SLIT1: variants seen among roughly 807,000 people sequenced by gnomAD.
SLIT1 encodes the protein slit guidance ligand 1, also known as slit homolog 1 protein.
In SLIT1, 66 loss-of-function variants were observed where a neutral mutation model predicts 186.1. The observed-to-expected ratio is 0.35, with a 90% CI of 0.29 to 0.44. The LOEUF is 0.44. Among genes scored for constraint, SLIT1 ranks in the 20% least tolerant of loss-of-function variants. The pLI is 1.00. For missense variants in SLIT1, 1,638 were observed against 2,037.4 expected (o/e 0.80, Z 3.77); for synonymous variants, 761 against 833.8 (o/e 0.91, Z 1.50).
chr10:97,047,794 G>T lies in SLIT1; in HGVS notation c.1530C>A (p.Asp510Glu). ...DYQLNSECNS[D>E]VVCPHKCRCE... ...AGCGGCACTTGTGGGGACAGACCAC[G>T]TCGCTGTTGCACTCGCTGTTCAGCT... is the stretch of plus-strand genomic sequence containing the variant. The change falls in exon 16 of 37, where the codon GAC (aspartate) becomes GAA (glutamate). Residue 510 changes from aspartate (D) to glutamate (E), a missense_variant. By Grantham distance (45) the Asp-to-Glu change is conservative (BLOSUM62 2). Around this residue, in one of 3 missense-constraint regions of SLIT1, gnomAD observed 1,245 missense variants for 1,535.3 expected, o/e 0.81. Coordinates refer to ENST00000266058, the MANE Select transcript of SLIT1 (RefSeq NM_003061.3). 3 of 1,614,106 alleles carry T rather than the reference G, an allele frequency of 1.9e-6. No individual in the cohort carries two copies. The highest frequency in any genetic ancestry group is 2.5e-6 in the Non-Finnish European group (3 of 1,180,024).
At chr10:97,075,404 C>CT (rs1424627414) in intron 4 of SLIT1, among the ~76,000 whole-genome samples, 1 of 152,180 alleles carries the variant, frequency 6.6e-6, no homozygotes, top group Admixed American at 6.5e-5. Context: ...CTTTTGGGCT[C>CT]TGTAGGGAGG....
Position 97,150,245 on chromosome 10 carries a change from C to T in SLIT1, c.413+7573G>A, listed in dbSNP as rs371080997. 3.3e-5 allele frequency among the ~76,000 whole-genome samples: 5 copies of T among 152,312 alleles called. No individual in the cohort carries two copies. The East Asian group carries it at 7.7e-4, about 23-fold the overall frequency. ...TCTGCTGCCTGGCATGGATGCGTCA[C>T]AATAGCGAGGTCACCTTCTTGCCTT... is the stretch of plus-strand genomic sequence containing the variant. On this transcript the variant is annotated intron_variant, in intron 4 of 36. Transcript: ENST00000266058.
intron 28 of SLIT1, among the ~76,000 whole-genome samples, chr10:97,016,593 CA>C (rs1229825704): frequency 6.6e-6 from 1 of 152,064 alleles, no homozygotes; most frequent in Non-Finnish European, 1.5e-5. Flanking sequence ...TGGGTTTTGC[CA>C]TGGGGATTTT....
intron 4 of SLIT1, among the ~76,000 whole-genome samples, chr10:97,085,096 T>C (rs1224764781): frequency 6.6e-6 from 1 of 151,606 alleles, no homozygotes; most frequent in East Asian, 2.0e-4. Flanking sequence ...GCTAATTTTT[T>C]GTATTTTTAG....
chr10:97,054,333 G>C lies in SLIT1; in HGVS notation c.1301+1988C>G, dbSNP rs1470407089. 2.0e-5 allele frequency among the ~76,000 whole-genome samples: 3 copies of C among 151,848 alleles called. 1 individual carries two copies. Among genetic ancestry groups the C allele is most frequent in the Non-Finnish European group, 4.4e-5 (3 of 67,958 alleles). On this transcript the variant is annotated intron_variant, in intron 13 of 36. Coordinates refer to ENST00000266058, the MANE Select transcript of SLIT1 (RefSeq NM_003061.3). ...GCTTCGCCTTCTGCCATGATTGTAA[G>C]CTTCCTGAGGCCTCACCAGAAGCCA...
chr10:97,163,793 G>A (rs1850064796), intron 2 of SLIT1, among the ~76,000 whole-genome samples: 1 of 152,246 alleles, frequency 6.6e-6, no homozygotes, highest in Non-Finnish European at 1.5e-5. Context: ...AGGCTCCAGG[G>A]AGCCAGGCCC....
At chr10:97,063,360 G>A (rs746740132) in intron 8 of SLIT1, 95 bp downstream of exon 8, 5 of 1,391,452 alleles carry the variant, frequency 3.6e-6, no homozygotes, top group Non-Finnish European at 4.1e-6. Context: ...GAGGTGATGG[G>A]CAGGCCAGGT....
chr10:97,002,877 G>A lies in SLIT1; in HGVS notation c.3981C>T (p.Thr1327=), dbSNP rs1266598747. Reference sequence around the variant, plus strand: ...CCACGCCTGGCTTCATCTGCGTCTTGGTGAAGTCCTGCAGCTCGTTGTTGA... The same window carrying A: ...CCACGCCTGGCTTCATCTGCGTCTTAGTGAAGTCCTGCAGCTCGTTGTTGA... ...LYINNELQDF[T]KTQMKPGVVP... is the part of the protein sequence containing the mutation. Residue 1327 remains threonine, a synonymous_variant, in exon 35 of 37, where the codon ACC becomes ACT. Transcript: ENST00000266058. 2.5e-6 allele frequency: 4 copies of A among 1,614,224 alleles called. No homozygotes were observed. The South Asian group carries it at 3.3e-5, about 13-fold the overall frequency.
At chr10:97,054,989 A>G (rs2805592) in intron 13 of SLIT1, among the ~76,000 whole-genome samples, 150,371 of 152,258 alleles carry the variant, frequency 0.99, 74,276 homozygotes, top group East Asian at 1. Flanking sequence ...AGGCCGAGGC[A>G]GGTGGATCAC....
chr10:97,179,699 G>A (rs2134746319), intron 1 of SLIT1, among the ~76,000 whole-genome samples: 1 of 152,234 alleles, frequency 6.6e-6, no homozygotes, highest in African/African-American at 2.4e-5. Context: ...TATGCACCCT[G>A]CAGGTGCCCA....
At chr10:97,007,154 A>G (rs1408490206) in intron 31 of SLIT1, among the ~76,000 whole-genome samples, 2 of 152,250 alleles carry the variant, frequency 1.3e-5, no homozygotes, top group Admixed American at 1.3e-4. Context: ...ATAGAAATAC[A>G]GTGAATTATA....
At chr10:97,105,308 G>T (rs561329734) in intron 4 of SLIT1, among the ~76,000 whole-genome samples, 70 of 152,342 alleles carry the variant, frequency 4.6e-4, no homozygotes, top group Non-Finnish European at 7.6e-4. Flanking sequence ...TAAAGAAGAT[G>T]AGGAGATTCA....
At chr10:97,084,930 T>TTTC (rs1323373845) in intron 4 of SLIT1, among the ~76,000 whole-genome samples, 3 of 149,378 alleles carry the variant, frequency 2.0e-5, no homozygotes, top group Non-Finnish European at 4.5e-5. Flanking sequence ...TTTCCTTTTT[T>TTTC]TTTTTTTTTT....
intron 21 of SLIT1, among the ~76,000 whole-genome samples, chr10:97,039,049 G>A (rs1188742572): frequency 2.6e-5 from 4 of 152,192 alleles, no homozygotes; most frequent in African/African-American, 4.8e-5. Context: ...GGGTGAAGAC[G>A]GGGCAGGCCA....
rs529214808 is a variant in SLIT1, at chr10:97,034,692, G to A, written c.2367-150C>T. 1.9e-5 allele frequency: 13 copies of A among 676,320 alleles called. No homozygotes were observed. The South Asian group carries it at 2.1e-4, about 11-fold the overall frequency. 41.9% of individuals were successfully genotyped at this position (676,320 alleles called of 1,614,324 possible). ...GAGGAGCCCTGGTGCACAGCCTCGG[G>A]TCTCAGCGCTTGCTTAGCTACAGTG... On this transcript the variant is annotated intron_variant, in intron 22 of 36. Transcript: ENST00000266058.
At chr10:97,017,794 A>T (rs192618629) in intron 28 of SLIT1, among the ~76,000 whole-genome samples, 1 of 151,134 alleles carries the variant, frequency 6.6e-6, no homozygotes, top group East Asian at 1.9e-4. Context: ...CACTGTCAGG[A>T]GCAGGCTCTT....
At chr10:97,078,975 G>A (rs1849075922) in intron 4 of SLIT1, among the ~76,000 whole-genome samples, 1 of 152,210 alleles carries the variant, frequency 6.6e-6, no homozygotes, top group South Asian at 2.1e-4. Context: ...ACAATGGTGG[G>A]GGCAGGGGAG....
At chr10:97,185,253 G>A (rs569764824) in intron 1 of SLIT1, among the ~76,000 whole-genome samples, 1 of 152,228 alleles carries the variant, frequency 6.6e-6, no homozygotes. Context: ...GTGTGAGGAC[G>A]GAAGCTGACA....
intron 18 of SLIT1, 30 bp downstream of exon 18, chr10:97,046,624 C>T (rs753099077): frequency 2.5e-6 from 4 of 1,572,600 alleles, no homozygotes; most frequent in South Asian, 1.1e-5. Context: ...TGCAGCTGGC[C>T]CACCCTGCTC....
Sources: allele counts gnomAD v4.1 joint callset (sites outside exome capture counted in the v4.1 genomes callset), GRCh38; gene constraint gnomAD v4.1.1; regional missense constraint gnomAD v4.1.1; transcripts MANE v1.5; gene names NCBI Gene and HGNC (gene_info 2026-07-23, HGNC 2026-07-21).